The following LRRC37A2 variants were observed in gnomAD, a reference collection of about 807,000 sequenced individuals.
The protein encoded by LRRC37A2 is leucine-rich repeat-containing protein 37A2.
Under a neutral mutation model 68.8 loss-of-function variants are expected in LRRC37A2, and 9 were observed. That is an observed-to-expected ratio of 0.13 (90% CI 0.08 to 0.23). The LOEUF (loss-of-function observed/expected upper bound fraction) is 0.23. Ranked by LOEUF, LRRC37A2 falls within the 10% of genes least tolerant of loss-of-function variation. The pLI is 1.00. For missense variants in LRRC37A2, 168 were observed against 950.4 expected, an observed-to-expected ratio of 0.18 and a Z score of 10.82; for synonymous variants, 63 against 367.6, an observed-to-expected ratio of 0.17 and a Z score of 9.48.
chr17:46,754,362 C>T, the LRRC37A2 span, among the ~76,000 whole-genome samples: 1 of 151,848 alleles, frequency 6.6e-6, no homozygotes, highest in Non-Finnish European at 1.5e-5. Context: ...AAAAAAAATC[C>T]GTGGTTGGAG....
At chr17:46,951,262 G>A in the LRRC37A2 span, among the ~76,000 whole-genome samples, 56 of 152,254 alleles carry the variant, frequency 3.7e-4, no homozygotes, top group African/African-American at 1.1e-3. Context: ...CCCGCTGGCC[G>A]CCCACAGTGA....
chr17:46,875,310 G>A, the LRRC37A2 span: 2 of 1,613,710 alleles, frequency 1.2e-6, no homozygotes, highest in Non-Finnish European at 1.7e-6. Context: ...GTCCAAGAGA[G>A]GAAACAAGGA....
At chr17:46,713,807 GC>G in the LRRC37A2 span, 6 of 1,588,830 alleles carry the variant, frequency 3.8e-6, no homozygotes, top group Non-Finnish European at 5.1e-6. Context: ...ATTTCCCTTT[GC>G]TTAGGTTGGC....
the LRRC37A2 span, among the ~76,000 whole-genome samples, chr17:46,780,738 C>G: frequency 1.3e-5 from 2 of 151,942 alleles, no homozygotes; most frequent in Non-Finnish European, 2.9e-5. Context: ...GATGGCGCCA[C>G]TGCGCTCCAG....
the LRRC37A2 span, chr17:46,726,642 T>C: frequency 1.3e-6 from 2 of 1,592,622 alleles, no homozygotes; most frequent in Non-Finnish European, 1.7e-6. Context: ...GCTGTTGTAT[T>C]ATCTTTGCCA....
At chr17:46,976,679 T>C in the LRRC37A2 span, among the ~76,000 whole-genome samples, 1 of 151,834 alleles carries the variant, frequency 6.6e-6, no homozygotes, top group South Asian at 2.1e-4. Context: ...CTTGGCCCGG[T>C]GGAAAAGCGT....
At chr17:46,915,297 G>A in the LRRC37A2 span, among the ~76,000 whole-genome samples, 1 of 152,172 alleles carries the variant, frequency 6.6e-6, no homozygotes, top group Admixed American at 6.5e-5. Flanking sequence ...GCCCCTACAC[G>A]TGGCCTTTCC....
At chr17:46,816,471 A>ACACACACG in the LRRC37A2 span, among the ~76,000 whole-genome samples, 29 of 78,974 alleles carry the variant, frequency 3.7e-4, no homozygotes, top group African/African-American at 1.9e-3. Context: ...GACCCAGAAC[A>ACACACACG]CACGCACACA....
chr17:46,795,496 A>C, the LRRC37A2 span, among the ~76,000 whole-genome samples: 1 of 152,078 alleles, frequency 6.6e-6, no homozygotes, highest in South Asian at 2.1e-4. Context: ...TCAGCCCCTG[A>C]CGCCCTGTCT....
At chr17:47,038,312 A>G in the LRRC37A2 span, among the ~76,000 whole-genome samples, 1 of 151,966 alleles carries the variant, frequency 6.6e-6, no homozygotes, top group Admixed American at 6.6e-5. Context: ...AAAAATGAAC[A>G]GTAAAAAAAC....
the LRRC37A2 span, among the ~76,000 whole-genome samples, chr17:46,881,918 G>A: frequency 1.3e-5 from 2 of 152,106 alleles, no homozygotes; most frequent in African/African-American, 2.4e-5. Context: ...CCACATCTAA[G>A]AGATGTAACA....
At chr17:46,911,342 A>T in the LRRC37A2 span, 1 of 152,208 alleles carries the variant, frequency 6.6e-6, no homozygotes, top group Admixed American at 6.5e-5. Flanking sequence ...GGAGACAGAG[A>T]TAACCAAAGA....
chr17:46,770,888 A>T, the LRRC37A2 span, among the ~76,000 whole-genome samples: 1 of 152,254 alleles, frequency 6.6e-6, no homozygotes, highest in Non-Finnish European at 1.5e-5. Flanking sequence ...ACGATTAGGG[A>T]GGCCAAGGCC....
the LRRC37A2 span, among the ~76,000 whole-genome samples, chr17:46,788,086 A>C: frequency 6.6e-6 from 1 of 152,154 alleles, no homozygotes; most frequent in Non-Finnish European, 1.5e-5. Flanking sequence ...GCTGAGGGGA[A>C]GGAAGTGGGA....
At chr17:46,785,356 C>T in the LRRC37A2 span, among the ~76,000 whole-genome samples, 1 of 152,190 alleles carries the variant, frequency 6.6e-6, no homozygotes, top group Non-Finnish European at 1.5e-5. Context: ...GCAGCAGGAA[C>T]AGAAAGGTGA....
At chr17:46,826,100 G>A in the LRRC37A2 span, among the ~76,000 whole-genome samples, 1 of 152,254 alleles carries the variant, frequency 6.6e-6, no homozygotes, top group African/African-American at 2.4e-5. Flanking sequence ...GAAGACTTTT[G>A]TGGGGGCACA....
At chr17:46,541,712 CAAT>C (rs1238842449) in intron 8 of LRRC37A2, among the ~76,000 whole-genome samples, 1 of 150,800 alleles carries the variant, frequency 6.6e-6, no homozygotes, top group Non-Finnish European at 1.5e-5. Context: ...AACAATACAA[CAAT>C]AAAAGCAGTA....
At chr17:46,924,186 C>T in the LRRC37A2 span, 1 of 243,574 alleles carries the variant, frequency 4.1e-6, no homozygotes, top group Non-Finnish European at 7.8e-6. Context: ...TTTACCTATT[C>T]TAGATACTTA....
chr17:46,841,066 G>C, the LRRC37A2 span, among the ~76,000 whole-genome samples: 1 of 152,186 alleles, frequency 6.6e-6, no homozygotes, highest in Non-Finnish European at 1.5e-5. Context: ...GAGGGTGGGA[G>C]AATTCAGGTT....
Sources: allele counts gnomAD v4.1 joint callset (sites outside exome capture counted in the v4.1 genomes callset), GRCh38; gene constraint gnomAD v4.1.1; transcripts MANE v1.5; gene names NCBI Gene and HGNC (gene_info 2026-07-23, HGNC 2026-07-21).